The following SLC24A3 variants were observed in gnomAD, a reference collection of about 807,000 sequenced individuals.
SLC24A3 encodes sodium/potassium/calcium exchanger 3.
A neutral mutation model predicts 75.8 loss-of-function variants in SLC24A3; 28 were observed. The ratio of observed to expected loss-of-function variants is 0.37; its 90% CI spans 0.27 to 0.51. SLC24A3 has a LOEUF of 0.51. Among genes scored for constraint, SLC24A3 ranks in the 20% least tolerant of loss-of-function variants. The probability of loss-of-function intolerance (pLI) is 0.94; values close to 1 mark genes in which losing one functional copy is unlikely to be tolerated. For synonymous variants in SLC24A3, 372 were observed against 334.1 expected (o/e 1.11, Z -1.24); for missense variants, 663 against 847.8 (o/e 0.78, Z 2.71).
At position 19,237,826 on chromosome 20, in the gene SLC24A3, G is replaced by T. The variant is rs539861791; in HGVS notation, c.142+24842G>T. ...CCCAGCCTGCTCCCCCTTTTTCCTC[G>T]CAGCCTCCACCTCGCCTTCTGATTT... On this transcript the variant is annotated intron_variant, in intron 1 of 16. Coordinates refer to ENST00000328041, the MANE Select transcript of SLC24A3 (RefSeq NM_020689.4). Among the ~76,000 whole-genome samples the T allele has an allele frequency of 7.2e-5, 11 of 152,002 alleles. No homozygotes were observed. The South Asian group carries it at 2.1e-3, about 29-fold the overall frequency.
chr20:19,291,491 C>T (rs1337524770), intron 2 of SLC24A3, among the ~76,000 whole-genome samples: 1 of 152,236 alleles, frequency 6.6e-6, no homozygotes, highest in Non-Finnish European at 1.5e-5. Context: ...AGGCCCAGGA[C>T]TATGTTCACA....
chr20:19,257,314 C>T (rs529298199), intron 1 of SLC24A3, among the ~76,000 whole-genome samples: 11 of 152,294 alleles, frequency 7.2e-5, no homozygotes, highest in African/African-American at 2.4e-4. Flanking sequence ...GCCTGAACAG[C>T]GGTTTCCTTA....
At chr20:19,478,843 G>A (rs1464835270) in intron 2 of SLC24A3, among the ~76,000 whole-genome samples, 1 of 152,202 alleles carries the variant, frequency 6.6e-6, no homozygotes, top group Non-Finnish European at 1.5e-5. Context: ...AAGTTCATCT[G>A]CATCCCCAAA....
chr20:19,666,847 A>C (rs764781845), intron 8 of SLC24A3, among the ~76,000 whole-genome samples: 23 of 152,260 alleles, frequency 1.5e-4, no homozygotes, highest in Non-Finnish European at 3.2e-4. Flanking sequence ...CAACTGTTCA[A>C]ATCCTCGTTT....
chr20:19,241,436 A>G (rs1982324817), intron 1 of SLC24A3, among the ~76,000 whole-genome samples: 1 of 152,066 alleles, frequency 6.6e-6, no homozygotes, highest in East Asian at 1.9e-4. Flanking sequence ...TTTTCTCAGG[A>G]TGGCCTGGCC....
In SLC24A3 at chr20:19,216,465, C is replaced by T. The variant is rs181836214; in HGVS notation, c.142+3481C>T. ...CTCTTAAAAAATTTTTTTTAATTAG[C>T]TGGGTGTGGTGGTGCATTCCTGTAA... On this transcript the variant is annotated intron_variant, in intron 1 of 16. Transcript: ENST00000328041. 8.6e-5 allele frequency among the ~76,000 whole-genome samples: 13 copies of T among 151,968 alleles called. No individual in the cohort carries two copies. The East Asian group carries it at 2.5e-3, about 29-fold the overall frequency.
chr20:19,691,681 C>T (rs966850343), intron 12 of SLC24A3, among the ~76,000 whole-genome samples: 1 of 152,106 alleles, frequency 6.6e-6, no homozygotes, highest in Non-Finnish European at 1.5e-5. Context: ...AATGTCCTGT[C>T]AGGTTGCCAG....
At chr20:19,658,226 C>T (rs1037436553) in intron 7 of SLC24A3, among the ~76,000 whole-genome samples, 7 of 152,096 alleles carry the variant, frequency 4.6e-5, no homozygotes, top group South Asian at 2.1e-4. Context: ...GCGACTTCTC[C>T]AGAGACGCTG....
chr20:19,287,056 G>C (rs1047685692), intron 2 of SLC24A3, among the ~76,000 whole-genome samples: 2 of 152,232 alleles, frequency 1.3e-5, no homozygotes, highest in African/African-American at 4.8e-5. Flanking sequence ...CAAATTGTGT[G>C]CTGAATTATT....
At chr20:19,677,293 C>CAAA (rs5840854) in intron 9 of SLC24A3, among the ~76,000 whole-genome samples, 3 of 102,624 alleles carry the variant, frequency 2.9e-5, no homozygotes, top group Admixed American at 1.1e-4. Flanking sequence ...GACCCCGTTC[C>CAAA]AAAAAAAAAA....
chr20:19,557,536 T>G lies in SLC24A3; in HGVS notation c.349-22464T>G, dbSNP rs13043917. 6.8e-4 allele frequency among the ~76,000 whole-genome samples: 103 copies of G among 152,300 alleles called. 1 individual carries two copies. The highest frequency in any genetic ancestry group is 2.5e-3 in the African/African-American group (102 of 41,560). On this transcript the variant is annotated intron_variant, in intron 3 of 16. Transcript: ENST00000328041. ...GCTGTCTCCAAAACCACCCTAAGTG[T>G]GGGGAATATTCAGCTCCCATAAGCC...
At chr20:19,300,292 G>A (rs925715812) in intron 2 of SLC24A3, among the ~76,000 whole-genome samples, 18 of 152,144 alleles carry the variant, frequency 1.2e-4, no homozygotes, top group African/African-American at 3.9e-4. Context: ...CTTCCACCCA[G>A]CTCTCTCCCT....
At chr20:19,649,367 T>G (rs1352803963) in intron 6 of SLC24A3, among the ~76,000 whole-genome samples, 1 of 152,198 alleles carries the variant, frequency 6.6e-6, no homozygotes, top group Non-Finnish European at 1.5e-5. Context: ...GCTGTAGTGG[T>G]GTTTTATTTT....
At position 19,685,125 on chromosome 20, in the gene SLC24A3, C is replaced by T. The variant is rs979263716; in HGVS notation, c.1088C>T (p.Ala363Val). The change falls in exon 12 of 17, where the codon GCT becomes GTT. Residue 363 changes from alanine (A) to valine (V), a missense_variant. By Grantham distance (64) the Ala-to-Val change is moderately conservative (BLOSUM62 0). Transcript: ENST00000328041. ...AGACAAAGATTGATAAACAGCAGGG[C>T]TTATACCAACGGGGAATCTGAGGTG... ...NERQRLINSR[A>V]YTNGESEVAI... is the part of the protein sequence containing the mutation. The T allele has an allele frequency of 3.1e-6, 5 of 1,613,112 alleles. No individual in the cohort carries two copies. Among genetic ancestry groups the T allele is most frequent in the African/African-American group, 1.3e-5 (1 of 75,008 alleles).
chr20:19,461,780 G>A (rs1410150004), intron 2 of SLC24A3, among the ~76,000 whole-genome samples: 8 of 152,030 alleles, frequency 5.3e-5, no homozygotes, highest in South Asian at 2.1e-4. Context: ...CCATCTGCCC[G>A]CCTCTGCCTC....
intron 6 of SLC24A3, among the ~76,000 whole-genome samples, chr20:19,621,796 C>T (rs991615678): frequency 2.0e-5 from 3 of 152,168 alleles, no homozygotes; most frequent in Admixed American, 6.5e-5. Flanking sequence ...CTGCTCTTTC[C>T]GTCTTCCCTG....
chr20:19,419,593 C>G (rs889947526), intron 2 of SLC24A3, among the ~76,000 whole-genome samples: 7 of 152,252 alleles, frequency 4.6e-5, no homozygotes, highest in African/African-American at 1.7e-4. Context: ...TGGACCGTCT[C>G]TGCAGTCCCT....
rs888993693 is a variant in SLC24A3, at chr20:19,360,567, A to T, written c.271+79480A>T. On this transcript the variant is annotated intron_variant, in intron 2 of 16. Coordinates refer to ENST00000328041, the MANE Select transcript of SLC24A3 (RefSeq NM_020689.4). Reference sequence around the variant, plus strand: ...AGCATGGAAATTTTATGGCATCTGAATCTATGGATACCTCAAAGCTTCAAT... The same window carrying T: ...AGCATGGAAATTTTATGGCATCTGATTCTATGGATACCTCAAAGCTTCAAT... Among the ~76,000 whole-genome samples the T allele has an allele frequency of 7.9e-5, 12 of 152,376 alleles. No individual in the cohort carries two copies. The East Asian group carries it at 2.3e-3, about 29-fold the overall frequency.
intron 3 of SLC24A3, among the ~76,000 whole-genome samples, chr20:19,546,137 C>T (rs1403492900): frequency 5.4e-5 from 6 of 111,500 alleles, no homozygotes; most frequent in Non-Finnish European, 1.0e-4. Context: ...TCAGCCTGGG[C>T]GACAGAGCGA....
Sources: allele counts gnomAD v4.1 joint callset (sites outside exome capture counted in the v4.1 genomes callset), GRCh38; gene constraint gnomAD v4.1.1; transcripts MANE v1.5; gene names NCBI Gene and HGNC (gene_info 2026-07-23, HGNC 2026-07-21).